The following EGF variants were observed in gnomAD, a reference collection of about 807,000 sequenced individuals.
EGF encodes the protein pro-epidermal growth factor.
Under a neutral mutation model 143.8 loss-of-function variants are expected in EGF, and 95 were observed. That is an observed-to-expected ratio of 0.66 (90% CI 0.56 to 0.78). EGF has a LOEUF of 0.78. Among genes scored for constraint, EGF ranks in the 30% least tolerant of loss-of-function variants. The pLI is 0.00. For missense variants in EGF, 1,320 were observed against 1,470.9 expected, an observed-to-expected ratio of 0.90 and a Z score of 1.68; for synonymous variants, 510 against 510.5, an observed-to-expected ratio of 1.00 and a Z score of 0.01.
In EGF at chr4:110,004,588, C is replaced by T; in HGVS notation, c.3257C>T (p.Thr1086Ile). 6.2e-7 allele frequency: 1 copy of T among 1,613,964 alleles called. No individual in the cohort carries two copies. The highest frequency in any genetic ancestry group is 8.5e-7 in the Non-Finnish European group (1 of 1,179,872). Residue 1086 changes from threonine to isoleucine, a missense_variant, in exon 22 of 24, where the codon ACT becomes ATT. By Grantham distance (89) the Thr-to-Ile change is moderately conservative (BLOSUM62 -1). Around this residue, in one of 5 missense-constraint regions of EGF, gnomAD observed 1,186 missense variants for 1,313.7 expected, o/e 0.90. Transcript: ENST00000265171. ...RDVRSRRPAD[T>I]EDGMSSCPQP... ...GTGAGGAGTCGCAGGCCTGCTGACA[C>T]TGAGGATGGGATGTCCTCTTGCCCT... is the stretch of plus-strand genomic sequence containing the variant.
chr4:109,957,676 C>T (rs545034104), intron 5 of EGF, among the ~76,000 whole-genome samples: 47 of 152,346 alleles, frequency 3.1e-4, no homozygotes, highest in African/African-American at 1.1e-3. Flanking sequence ...AGGCCCTCTG[C>T]CTGCTTTGCT....
chr4:109,918,156 C>T (rs1034905384), intron 1 of EGF, among the ~76,000 whole-genome samples: 1 of 152,106 alleles, frequency 6.6e-6, no homozygotes, highest in African/African-American at 2.4e-5. Flanking sequence ...TATACACCCT[C>T]CTTGGAAGAT....
In EGF at chr4:109,989,415, G is replaced by A. The variant is rs11569053; in HGVS notation, c.2734+706G>A. 5.4e-3 allele frequency among the ~76,000 whole-genome samples: 828 copies of A among 152,236 alleles called. 3 individuals carry two copies. The highest frequency in any genetic ancestry group is 0.019 in the African/African-American group (786 of 41,536). On this transcript the variant is annotated intron_variant, in intron 18 of 23. Coordinates refer to ENST00000265171, the MANE Select transcript of EGF (RefSeq NM_001963.6). The stretch of plus-strand genomic sequence containing the variant: ...AAGTGATTATCTGAAGTTTTACAGC[G>A]CTTTAAAACTTCTCTTTCAGTATTT...
intron 2 of EGF, 96 bp downstream of exon 2, chr4:109,941,241 A>T (rs1741877454): frequency 8.6e-7 from 1 of 1,158,414 alleles, no homozygotes; most frequent in Admixed American, 2.0e-5. Flanking sequence ...TGAAAATTAT[A>T]TAACAGTTCA....
In EGF at chr4:109,962,967, T is replaced by C. The variant is rs527977810; in HGVS notation, c.1313-206T>C. Among the ~76,000 whole-genome samples, 7 of 150,998 alleles carry C rather than the reference T, an allele frequency of 4.6e-5. No homozygotes were observed. The South Asian group carries it at 1.5e-3, about 32-fold the overall frequency. On this transcript the variant is annotated intron_variant, in intron 8 of 23. Coordinates refer to ENST00000265171, the MANE Select transcript of EGF (RefSeq NM_001963.6). ...CTGTAATCCCAGCTACTTGGGAAGC[T>C]GAGGCAGGAGAATTGCTTGAACTTG...
In EGF at chr4:110,011,531, A is replaced by C; in HGVS notation, c.*76A>C. ...GTATCTTTTCTTTCAAAAGTAGAGC[A>C]AAACTATAGGTTTTGGTTCCACAAT... is the stretch of plus-strand genomic sequence containing the variant. On this transcript the variant is annotated 3_prime_UTR_variant, in exon 24 of 24. Coordinates refer to ENST00000265171, the MANE Select transcript of EGF (RefSeq NM_001963.6). The C allele has an allele frequency of 6.2e-7, 1 of 1,609,822 alleles. No individual in the cohort carries two copies. The highest frequency in any genetic ancestry group is 1.3e-5 in the African/African-American group (1 of 75,002).
At position 110,013,445 on chromosome 4, in the gene EGF, C is replaced by A. The variant is rs1391664617; in HGVS notation, c.*1990C>A. On this transcript the variant is annotated 3_prime_UTR_variant, in exon 24 of 24. Coordinates refer to ENST00000265171, the MANE Select transcript of EGF (RefSeq NM_001963.6). ...AGTCCTTGACTAGGCTATCTACCAG[C>A]TCCTGGTCGGATTAAAGAAAAAACA... Among the ~76,000 whole-genome samples, 2 of 152,124 alleles carry A rather than the reference C, an allele frequency of 1.3e-5. No individual in the cohort carries two copies. The highest frequency in any genetic ancestry group is 2.9e-5 in the Non-Finnish European group (2 of 68,024).
rs552948293 is a variant in EGF, at chr4:110,010,174, C to T, written c.3371-1028C>T. On this transcript the variant is annotated intron_variant, in intron 23 of 23. Coordinates refer to ENST00000265171, the MANE Select transcript of EGF (RefSeq NM_001963.6). ...CTCAGGAGGCTGAGGTAGGAGGATC[C>T]CTTGAGCCTGGGAGATGGAGGTTGC... is the stretch of plus-strand genomic sequence containing the variant. 9.2e-5 allele frequency among the ~76,000 whole-genome samples: 14 copies of T among 151,992 alleles called. No individual in the cohort carries two copies. The South Asian group carries it at 2.7e-3, about 29-fold the overall frequency.
intron 4 of EGF, 81 bp from the exon 5 acceptor site, chr4:109,944,992 T>C: frequency 6.9e-7 from 1 of 1,447,418 alleles, no homozygotes; most frequent in African/African-American, 1.4e-5. Context: ...ACTTAGACAA[T>C]AAATTGAAAT....
rs376214338 is a variant in EGF, at chr4:110,004,598, G to C, written c.3267G>C (p.Gly1089=). Residue 1089 remains glycine, a synonymous_variant, in exon 22 of 24, where the codon GGG becomes GGC. Transcript: ENST00000265171. The part of the protein sequence containing the change: ...RSRRPADTED[G]MSSCPQPWFV... ...GCAGGCCTGCTGACACTGAGGATGG[G>C]ATGTCCTCTTGCCCTCAACCTTGGG... 3.9e-5 allele frequency: 63 copies of C among 1,613,808 alleles called. No individual in the cohort carries two copies. Among genetic ancestry groups the C allele is most frequent in the Non-Finnish European group, 2.6e-5 (31 of 1,179,850 alleles).
In EGF at chr4:110,011,354, C is replaced by G; in HGVS notation, c.3523C>G (p.Leu1175Val). The G allele has an allele frequency of 6.2e-7, 1 of 1,614,130 alleles. No homozygotes were observed. Among genetic ancestry groups the G allele is most frequent in the Non-Finnish European group, 8.5e-7 (1 of 1,180,016 alleles). ...TATGCCCTCCTATGGGACACAGACC[C>G]TTGAAGGGGGTGTCGAGAAGCCCCA... The part of the protein sequence containing the change: ...FHMPSYGTQT[L>V]EGGVEKPHSL... The change falls in exon 24 of 24, where the codon CTT (leucine) becomes GTT (valine). Residue 1175 changes from leucine (L) to valine (V), a missense_variant. Physicochemically the swap from Leu to Val is conservative, Grantham distance 32 (BLOSUM62 1). This residue lies in a region of EGF where 1,186 missense variants were observed against 1,313.7 expected (regional missense o/e 0.90). Coordinates refer to ENST00000265171, the MANE Select transcript of EGF (RefSeq NM_001963.6).
At chr4:109,992,488 A>G (rs1302790862) in intron 18 of EGF, 1 of 152,170 alleles carries the variant, frequency 6.6e-6, no homozygotes, top group Non-Finnish European at 1.5e-5. Context: ...ACACTTTTAC[A>G]CTGTTGGTGG....
chr4:109,939,788 A>G (rs11568879), intron 1 of EGF, among the ~76,000 whole-genome samples: 104 of 152,362 alleles, frequency 6.8e-4, no homozygotes, highest in Middle Eastern at 3.4e-3. Flanking sequence ...ATTTTGTTCA[A>G]TGCTTACAAT....
intron 17 of EGF, among the ~76,000 whole-genome samples, chr4:109,988,139 G>T (rs1376362497): frequency 6.7e-6 from 1 of 150,144 alleles, no homozygotes; most frequent in Non-Finnish European, 1.5e-5. Flanking sequence ...TTAGAAGCAT[G>T]AATTTGAGTT....
Position 110,011,392 on chromosome 4 carries a change from A to AAG in EGF, c.3561_3562insAG (p.Ala1188ArgfsTer19). 6.2e-7 allele frequency: 1 copy of AAG among 1,614,184 alleles called. No individual in the cohort carries two copies. The highest frequency in any genetic ancestry group is 8.5e-7 in the Non-Finnish European group (1 of 1,180,016). Reference sequence around the variant, plus strand: ...TCGAGAAGCCCCATTCTCTCCTATCAGCTAACCCATTATGGCAACAAAGGG... The same window carrying AAG: ...TCGAGAAGCCCCATTCTCTCCTATCAAGGCTAACCCATTATGGCAACAAAGGG... On this transcript the variant is annotated frameshift_variant, in exon 24 of 24. Transcript: ENST00000265171. LOFTEE classifies it low-confidence loss of function (END_TRUNC).
chr4:109,924,006 T>C (rs1738229540), intron 1 of EGF, among the ~76,000 whole-genome samples: 1 of 151,692 alleles, frequency 6.6e-6, no homozygotes. Context: ...AGGTGAATAA[T>C]ATTTATGTAG....
chr4:109,956,731 C>T (rs1181311829), intron 5 of EGF, among the ~76,000 whole-genome samples: 1 of 151,996 alleles, frequency 6.6e-6, no homozygotes. Context: ...TCCATAAGAC[C>T]ATTCAATGTA....
At chr4:109,980,227 T>A in intron 14 of EGF, 88 bp downstream of exon 14, 1 of 1,321,678 alleles carries the variant, frequency 7.6e-7, no homozygotes, top group Non-Finnish European at 1.0e-6. Flanking sequence ...GGCGGGGGGG[T>A]GGAGGGGATT....
Position 109,963,172 on chromosome 4 carries a change from G to A in EGF, c.1313-1G>A, listed in dbSNP as rs747923277. ...TCATTACTAAGCAATTGTTTTTGTA[G>A]GTTGTTCCTCACCCGATAATGGTGG... On this transcript the variant is annotated splice_acceptor_variant, in intron 8 of 23. Coordinates refer to ENST00000265171, the MANE Select transcript of EGF (RefSeq NM_001963.6). LOFTEE classifies it high-confidence loss of function. 1 of 1,613,836 alleles carries A rather than the reference G, an allele frequency of 6.2e-7. No homozygotes were observed. The highest frequency in any genetic ancestry group is 8.5e-7 in the Non-Finnish European group (1 of 1,179,872).
Sources: allele counts gnomAD v4.1 joint callset (sites outside exome capture counted in the v4.1 genomes callset), GRCh38; gene constraint gnomAD v4.1.1; regional missense constraint gnomAD v4.1.1; transcripts MANE v1.5; gene names NCBI Gene and HGNC (gene_info 2026-07-23, HGNC 2026-07-21).